Variants in ERGIC2 observed in about 807,000 individuals in gnomAD.
ERGIC2 encodes the protein endoplasmic reticulum-Golgi intermediate compartment protein 2.
Under a neutral mutation model 52.5 loss-of-function variants are expected in ERGIC2, and 31 were observed. The ratio of observed to expected loss-of-function variants is 0.59; its 90% CI spans 0.44 to 0.80. ERGIC2 has a LOEUF of 0.80. Among genes scored for constraint, ERGIC2 ranks in the 30% least tolerant of loss-of-function variants. The pLI, the probability that ERGIC2 is intolerant of heterozygous loss-of-function variation, is 0.00. For missense variants in ERGIC2, 395 were observed against 455.2 expected, an observed-to-expected ratio of 0.87 and a Z score of 1.20; for synonymous variants, 129 against 140.6, an observed-to-expected ratio of 0.92 and a Z score of 0.58.
chr12:29,349,078 C>A lies in ERGIC2; in HGVS notation c.727+1G>T. On this transcript the variant is annotated splice_donor_variant, in intron 10 of 13. Coordinates refer to ENST00000360150, the MANE Select transcript of ERGIC2 (RefSeq NM_016570.3). LOFTEE classifies it high-confidence loss of function. ...TCCAACAATAATTATTAAATACTTA[C>A]GATCTATAGCAATTTTTTCAGTTCC... 6.9e-7 allele frequency: 1 copy of A among 1,455,608 alleles called. No homozygotes were observed. The highest frequency in any genetic ancestry group is 9.3e-7 in the Non-Finnish European group (1 of 1,069,754). The allele number at this position is 1,455,608 out of a possible 1,614,324, so 90.2% of individuals were successfully genotyped here. A position where few individuals can be genotyped will look rare whatever the true frequency, so the allele number is the denominator to read the frequency against.
At position 29,380,887 on chromosome 12, in the gene ERGIC2, C is replaced by A. The variant is rs1356740385; in HGVS notation, c.-38+228G>T. On this transcript the variant is annotated intron_variant, in intron 1 of 13. Coordinates refer to ENST00000360150, the MANE Select transcript of ERGIC2 (RefSeq NM_016570.3). The stretch of plus-strand genomic sequence containing the variant: ...CGAGTTGCAGGATAGCACACAAGCA[C>A]CCGGACCTGGCAAAGGGAAGCTCCC... The A allele has an allele frequency of 2.0e-5, 3 of 152,190 alleles. No individual in the cohort carries two copies. The East Asian group carries it at 5.8e-4, about 29-fold the overall frequency. 9.4% of individuals were successfully genotyped at this position (152,190 alleles called of 1,614,324 possible).
Position 29,343,117 on chromosome 12 carries a change from A to T in ERGIC2, c.988+3T>A. 1 of 1,585,200 alleles carries T rather than the reference A, an allele frequency of 6.3e-7. No individual in the cohort carries two copies. Among genetic ancestry groups the T allele is most frequent in the Non-Finnish European group, 8.6e-7 (1 of 1,164,818 alleles). ...ATTAGACAAAAAGGAAATGGTTGTTAACCTGTTGTTGAAAAGATTCCTCCA... is the reference window on the plus strand; with the variant it reads ...ATTAGACAAAAAGGAAATGGTTGTTTACCTGTTGTTGAAAAGATTCCTCCA... On this transcript the variant is annotated splice_donor_region_variant and intron_variant, in intron 12 of 13. Coordinates refer to ENST00000360150, the MANE Select transcript of ERGIC2 (RefSeq NM_016570.3).
At position 29,370,170 on chromosome 12, in the gene ERGIC2, T is replaced by G; in HGVS notation, c.159A>C (p.Ser53=). The change falls in exon 3 of 14, where the codon TCA becomes TCC. Residue 53 remains serine, a synonymous_variant. Coordinates refer to ENST00000360150, the MANE Select transcript of ERGIC2 (RefSeq NM_016570.3). ...TMALLTIMEF[S]VYQDTWMKYE... ...ACTTCATCCATGTATCTTGATATAC[T>G]GAGAATTCCATTATGGTTAATAAAG... 1 of 1,551,476 alleles carries G rather than the reference T, an allele frequency of 6.4e-7. No homozygotes were observed. Among genetic ancestry groups the G allele is most frequent in the Non-Finnish European group, 8.6e-7 (1 of 1,159,326 alleles).
chr12:29,366,816 G>A, intron 5 of ERGIC2, 61 bp downstream of exon 5: 1 of 962,096 alleles, frequency 1.0e-6, no homozygotes, highest in Non-Finnish European at 1.6e-6. Context: ...GCAACTATCT[G>A]TCTTCAAGCG....
intron 7 of ERGIC2, among the ~76,000 whole-genome samples, chr12:29,357,355 C>T (rs1940222672): frequency 6.6e-6 from 1 of 152,108 alleles, no homozygotes; most frequent in African/African-American, 2.4e-5. Flanking sequence ...GTAAATGAAA[C>T]TAATTTTTCT....
chr12:29,365,048 T>C (rs1940340155), intron 5 of ERGIC2, among the ~76,000 whole-genome samples: 1 of 151,870 alleles, frequency 6.6e-6, no homozygotes, highest in South Asian at 2.1e-4. Flanking sequence ...TGGAAAGCAA[T>C]TTGGAGAGTT....
chr12:29,344,985 T>C (rs915968643), intron 11 of ERGIC2, among the ~76,000 whole-genome samples: 5 of 152,174 alleles, frequency 3.3e-5, no homozygotes, highest in Non-Finnish European at 1.5e-5. Context: ...AAGCATTAAT[T>C]TAGGAAGGCA....
chr12:29,344,208 T>A (rs1453200420), intron 11 of ERGIC2, among the ~76,000 whole-genome samples: 1 of 152,180 alleles, frequency 6.6e-6, no homozygotes, highest in Non-Finnish European at 1.5e-5. Context: ...CAGATAACAA[T>A]GCAACGAATA....
intron 8 of ERGIC2, among the ~76,000 whole-genome samples, chr12:29,353,530 T>C (rs1266210782): frequency 6.6e-6 from 1 of 152,146 alleles, no homozygotes; most frequent in Non-Finnish European, 1.5e-5. Flanking sequence ...TCTGAAACAC[T>C]CTTAAGCATT....
In ERGIC2 at chr12:29,345,517, T is replaced by A; in HGVS notation, c.751A>T (p.Ile251Phe). 1 of 1,596,354 alleles carries A rather than the reference T, an allele frequency of 6.3e-7. No individual in the cohort carries two copies. The highest frequency in any genetic ancestry group is 8.6e-7 in the Non-Finnish European group (1 of 1,166,486). ...TGTAGTTTTGTTGGCACAACTGTAA[T>A]AAAATATTGGAACATCTGGTTGTCT... Reference protein sequence around the residue: ...IDHNQMFQYFITVVPTKLHTY... With the variant: ...IDHNQMFQYFFTVVPTKLHTY... Residue 251 changes from isoleucine to phenylalanine, a missense_variant, in exon 11 of 14, where the codon ATT (isoleucine) becomes TTT (phenylalanine). Physicochemically the swap from Ile to Phe is conservative, Grantham distance 21 (BLOSUM62 0). Coordinates refer to ENST00000360150, the MANE Select transcript of ERGIC2 (RefSeq NM_016570.3).
At chr12:29,373,444 G>C (rs185359923) in intron 1 of ERGIC2, among the ~76,000 whole-genome samples, 50 of 152,268 alleles carry the variant, frequency 3.3e-4, no homozygotes, top group African/African-American at 1.1e-3. Context: ...CTCTGGAAGA[G>C]AGCAGACAGA....
chr12:29,368,122 G>T lies in ERGIC2; in HGVS notation c.262+119C>A, dbSNP rs1395562919. 3.2e-5 allele frequency: 22 copies of T among 681,124 alleles called. No homozygotes were observed. In the Admixed American group the frequency reaches 6.2e-4, roughly 19 times the overall value. 42.2% of individuals were successfully genotyped at this position (681,124 alleles called of 1,614,324 possible). ...ATTTGTATTATTAAATAATACCACA[G>T]TAAAACTTTAAAATATTATAAAGGA... On this transcript the variant is annotated intron_variant, in intron 4 of 13. Transcript: ENST00000360150.
chr12:29,380,132 T>A (rs190322241), intron 1 of ERGIC2, among the ~76,000 whole-genome samples: 1 of 151,690 alleles, frequency 6.6e-6, no homozygotes, highest in Non-Finnish European at 1.5e-5. Flanking sequence ...AAAATCAGAA[T>A]TTTTTTCCTC....
At chr12:29,342,304 G>A (rs2136847460) in intron 12 of ERGIC2, among the ~76,000 whole-genome samples, 1 of 152,342 alleles carries the variant, frequency 6.6e-6, no homozygotes, top group South Asian at 2.1e-4. Context: ...ATGAGCCACT[G>A]CACCGGGCCT....
chr12:29,345,557 AC>A lies in ERGIC2; in HGVS notation c.728-18del, dbSNP rs1306651286. 7.4e-7 allele frequency: 1 copy of A among 1,357,374 alleles called. No individual in the cohort carries two copies. Among genetic ancestry groups the A allele is most frequent in the African/African-American group, 1.4e-5 (1 of 70,198 alleles). 84.1% of individuals were successfully genotyped at this position (1,357,374 alleles called of 1,614,324 possible). A position where few individuals can be genotyped will look rare whatever the true frequency, so the allele number is the denominator to read the frequency against. On this transcript the variant is annotated intron_variant, in intron 10 of 13. Transcript: ENST00000360150. Reference sequence around the variant, plus strand: ...TCTGGTTGTCTAGAATACAAAAAAAACTTTTTATCAATTCAGTAGCAACAAA... The same window carrying A: ...TCTGGTTGTCTAGAATACAAAAAAAATTTTTATCAATTCAGTAGCAACAAA...
intron 4 of ERGIC2, 27 bp downstream of exon 4, chr12:29,368,214 G>A (rs763749097): frequency 6.9e-7 from 1 of 1,445,388 alleles, no homozygotes; most frequent in East Asian, 2.3e-5. Flanking sequence ...CCTACATGTG[G>A]ATTCAGCAAG....
intron 5 of ERGIC2, among the ~76,000 whole-genome samples, chr12:29,365,025 A>G (rs902143746): frequency 1.3e-5 from 2 of 152,224 alleles, no homozygotes; most frequent in Admixed American, 1.3e-4. Flanking sequence ...AATGGAAATT[A>G]GTTCAGCCAC....
chr12:29,343,804 T>C (rs983110565), intron 11 of ERGIC2, among the ~76,000 whole-genome samples: 3 of 152,130 alleles, frequency 2.0e-5, no homozygotes, highest in Admixed American at 6.6e-5. Flanking sequence ...ATAAATATAT[T>C]GTCACTACCT....
Position 29,340,791 on chromosome 12 carries a change from T to A in ERGIC2, c.*365A>T. On this transcript the variant is annotated 3_prime_UTR_variant, in exon 14 of 14. Coordinates refer to ENST00000360150, the MANE Select transcript of ERGIC2 (RefSeq NM_016570.3). ...TGCGAACATTTGCACTTCTCAATGTTTTTTTTTTTCCCATAGATGTAGTTT... is the reference window on the plus strand; with the variant it reads ...TGCGAACATTTGCACTTCTCAATGTATTTTTTTTTCCCATAGATGTAGTTT... 2.4e-6 allele frequency: 1 copy of A among 419,800 alleles called. No individual in the cohort carries two copies. Among genetic ancestry groups the A allele is most frequent in the East Asian group, 7.4e-5 (1 of 13,548 alleles). The allele number at this position is 419,800 out of a possible 1,614,324, so 26.0% of individuals were successfully genotyped here.
Sources: gnomAD v4.1 joint callset for allele counts (sites outside exome capture counted in the v4.1 genomes callset) on GRCh38, gnomAD v4.1.1 for gene constraint, MANE v1.5 for transcripts, NCBI Gene and HGNC (gene_info 2026-07-23, HGNC 2026-07-21) for gene names.